The following CLCN3 variants were observed in gnomAD, a reference collection of about 807,000 sequenced individuals.
The protein encoded by CLCN3 is H(+)/Cl(-) exchange transporter 3.
In CLCN3, 16 loss-of-function variants were observed where a neutral mutation model predicts 83.4. That is an observed-to-expected ratio of 0.19 (90% CI 0.13 to 0.29). CLCN3 has a LOEUF of 0.29. Among genes scored for constraint, CLCN3 ranks in the 10% least tolerant of loss-of-function variants. The probability of loss-of-function intolerance (pLI) is 1.00; values close to 1 mark genes in which losing one functional copy is unlikely to be tolerated. For synonymous variants in CLCN3, 322 were observed against 346.2 expected, an observed-to-expected ratio of 0.93 and a Z score of 0.78; for missense variants, 544 against 1,006.0, an observed-to-expected ratio of 0.54 and a Z score of 6.21.
intron 12 of CLCN3, among the ~76,000 whole-genome samples, chr4:169,716,624 C>T (rs1195728446): frequency 6.6e-6 from 1 of 152,020 alleles, no homozygotes; most frequent in African/African-American, 2.4e-5. Flanking sequence ...GGAAGTTGCT[C>T]CCATGCTCTG....
At chr4:169,665,717 T>A (rs779984130) in intron 2 of CLCN3, among the ~76,000 whole-genome samples, 16 of 152,180 alleles carry the variant, frequency 1.1e-4, no homozygotes, top group Admixed American at 1.0e-3. Context: ...ATAATTTTTT[T>A]AAAAAGGTTC....
intron 1 of CLCN3, among the ~76,000 whole-genome samples, chr4:169,629,372 C>G (rs1391824491): frequency 9.2e-5 from 14 of 151,852 alleles, no homozygotes; most frequent in African/African-American, 3.4e-4. Context: ...TACTGTGACA[C>G]ATTTTTTTTT....
intron 3 of CLCN3, among the ~76,000 whole-genome samples, chr4:169,687,378 C>G (rs192897744): frequency 7.2e-4 from 110 of 152,070 alleles, no homozygotes; most frequent in Non-Finnish European, 1.2e-3. Flanking sequence ...CTCAGAAGTT[C>G]AAGACCAGTC....
intron 2 of CLCN3, among the ~76,000 whole-genome samples, chr4:169,678,356 A>G (rs1731764870): frequency 6.6e-6 from 1 of 152,110 alleles, no homozygotes; most frequent in South Asian, 2.1e-4. Context: ...CAAGTTTTGG[A>G]TAATTTTTCT....
intron 7 of CLCN3, 85 bp from the exon 8 acceptor site, chr4:169,695,527 G>A (rs1284944023): frequency 1.0e-6 from 1 of 976,706 alleles, no homozygotes; most frequent in Non-Finnish European, 1.6e-6. Context: ...AAATCCATTT[G>A]GAAAATTCAA....
At chr4:169,701,886 A>G (rs966869638) in intron 9 of CLCN3, among the ~76,000 whole-genome samples, 1 of 152,130 alleles carries the variant, frequency 6.6e-6, no homozygotes, top group Admixed American at 6.5e-5. Flanking sequence ...AGTTGCCCAC[A>G]TGCTCAGTGG....
chr4:169,637,017 A>G (rs1371445982), intron 2 of CLCN3, among the ~76,000 whole-genome samples: 3 of 152,160 alleles, frequency 2.0e-5, no homozygotes, highest in Non-Finnish European at 2.9e-5. Flanking sequence ...GTTACTCCAC[A>G]TCTTCACCTA....
At chr4:169,679,470 C>T (rs1470830393) in intron 2 of CLCN3, among the ~76,000 whole-genome samples, 1 of 152,142 alleles carries the variant, frequency 6.6e-6, no homozygotes, top group Non-Finnish European at 1.5e-5. Flanking sequence ...AGAGACGCTC[C>T]TCACTTCCTA....
intron 12 of CLCN3, chr4:169,717,974 TA>T (rs1348656751): frequency 3.2e-6 from 2 of 623,406 alleles, no homozygotes; most frequent in Non-Finnish European, 5.8e-6. Flanking sequence ...TGAACAAAAA[TA>T]TCCTACTATG....
At chr4:169,638,046 T>G (rs1307954280) in intron 2 of CLCN3, among the ~76,000 whole-genome samples, 1 of 152,212 alleles carries the variant, frequency 6.6e-6, no homozygotes, top group Non-Finnish European at 1.5e-5. Context: ...CTGTTTGCAT[T>G]TAACATAATC....
chr4:169,673,681 T>A (rs1215812268), intron 2 of CLCN3, among the ~76,000 whole-genome samples: 1 of 152,152 alleles, frequency 6.6e-6, no homozygotes, highest in Non-Finnish European at 1.5e-5. Flanking sequence ...CATAGTAGGC[T>A]TTTTCTTAAA....
At chr4:169,654,702 C>T (rs1028636481) in intron 2 of CLCN3, among the ~76,000 whole-genome samples, 9 of 151,952 alleles carry the variant, frequency 5.9e-5, no homozygotes, top group African/African-American at 1.5e-4. Context: ...TATTGCATCG[C>T]GGTCCGGGAA....
intron 3 of CLCN3, among the ~76,000 whole-genome samples, chr4:169,684,876 C>T (rs1411467655): frequency 4.6e-5 from 7 of 152,088 alleles, no homozygotes; most frequent in Admixed American, 2.6e-4. Context: ...ACAGTACCAA[C>T]ACCATCTCCA....
chr4:169,713,292 A>G lies in CLCN3; in HGVS notation c.2363A>G (p.Asn788Ser), dbSNP rs765303593. ...LGLRQCLVTH[N>S]GRLLGIITKK... ...CTGAGGCAGTGCCTTGTAACTCACA[A>G]TGGGTAAGTCTGGTACCACAGGAAT... Residue 788 changes from asparagine to serine, a missense_variant, in exon 12 of 13, where the codon AAT (asparagine) becomes AGT (serine). By Grantham distance (46) the Asn-to-Ser change is conservative (BLOSUM62 1). Coordinates refer to ENST00000513761, the MANE Select transcript of CLCN3 (RefSeq NM_001829.4). The G allele has an allele frequency of 9.3e-6, 15 of 1,608,394 alleles. No individual in the cohort carries two copies. The highest frequency in any genetic ancestry group is 1.6e-4 in the Middle Eastern group (1 of 6,074).
At chr4:169,697,157 A>G (rs770577450) in intron 8 of CLCN3, 32 bp from the exon 9 acceptor site, 2 of 1,405,090 alleles carry the variant, frequency 1.4e-6, no homozygotes, top group East Asian at 4.6e-5. Context: ...AAATTATAGC[A>G]TTAATTTTTC....
intron 1 of CLCN3, among the ~76,000 whole-genome samples, chr4:169,626,422 G>A (rs116408825): frequency 0.011 from 1,728 of 152,324 alleles, 33 homozygotes; most frequent in African/African-American, 0.04. Flanking sequence ...GACAAAAAGA[G>A]TATGACCTAA....
chr4:169,622,379 G>A (rs1402826719), intron 1 of CLCN3, among the ~76,000 whole-genome samples: 1 of 152,038 alleles, frequency 6.6e-6, no homozygotes, highest in Non-Finnish European at 1.5e-5. Context: ...ATTTCCTGTT[G>A]TGACATGTTG....
rs1194688892 is a variant in CLCN3, at chr4:169,692,354, ATATATAT to A, written c.936+41_936+47del. The A allele has an allele frequency of 3.9e-6, 4 of 1,018,216 alleles. 1 individual carries two copies. In the South Asian group the frequency reaches 4.7e-5, roughly 12 times the overall value. 63.1% of individuals were successfully genotyped at this position (1,018,216 alleles called of 1,614,324 possible). ...CTTTTGTAGTTAATTTGACTGAAAA[ATATATAT>A]TATATAGTATTTATTTAAGTAAAGA... On this transcript the variant is annotated intron_variant, in intron 7 of 12. Coordinates refer to ENST00000513761, the MANE Select transcript of CLCN3 (RefSeq NM_001829.4).
intron 2 of CLCN3, among the ~76,000 whole-genome samples, chr4:169,668,314 T>C (rs1039030940): frequency 2.0e-5 from 3 of 152,066 alleles, no homozygotes; most frequent in Admixed American, 2.0e-4. Flanking sequence ...CCACTACACG[T>C]GGCTTTCCTG....
Sources: allele counts gnomAD v4.1 joint callset (sites outside exome capture counted in the v4.1 genomes callset), GRCh38; gene constraint gnomAD v4.1.1; transcripts MANE v1.5; gene names NCBI Gene and HGNC (gene_info 2026-07-23, HGNC 2026-07-21).